The following PDE9A variants were observed in gnomAD, a reference collection of about 807,000 sequenced individuals.
PDE9A encodes high affinity cGMP-specific 3',5'-cyclic phosphodiesterase 9A.
Under a neutral mutation model 87.4 loss-of-function variants are expected in PDE9A, and 60 were observed. The ratio of observed to expected loss-of-function variants is 0.69; its 90% CI spans 0.56 to 0.85. The LOEUF is 0.85. PDE9A is among the 40% of genes least tolerant of loss of function. The pLI, the probability that PDE9A is intolerant of heterozygous loss-of-function variation, is 0.00. For missense variants in PDE9A, 665 were observed against 779.0 expected (o/e 0.85, Z 1.74); for synonymous variants, 272 against 279.4 (o/e 0.97, Z 0.27).
chr21:42,760,803 T>C lies in PDE9A; in HGVS notation c.1003-22T>C. 1 of 1,359,324 alleles carries C rather than the reference T, an allele frequency of 7.4e-7. No individual in the cohort carries two copies. Among genetic ancestry groups the C allele is most frequent in the South Asian group, 1.2e-5 (1 of 83,648 alleles). 84.2% of individuals were successfully genotyped at this position (1,359,324 alleles called of 1,614,324 possible). On this transcript the variant is annotated intron_variant, in intron 12 of 19. Transcript: ENST00000291539. The surrounding 1 kb of genome is among the most constrained non-coding windows in gnomAD (Gnocchi z 5.2). ...CCTCCGAGTGAAGAGAGCAAACACCTACGCCCTGTTTTCCAATCCAGGAGA... is the reference window on the plus strand; with the variant it reads ...CCTCCGAGTGAAGAGAGCAAACACCCACGCCCTGTTTTCCAATCCAGGAGA...
At chr21:42,767,895 C>T (rs1334073853) in intron 15 of PDE9A, among the ~76,000 whole-genome samples, 1 of 152,168 alleles carries the variant, frequency 6.6e-6, no homozygotes, top group African/African-American at 2.4e-5. Context: ...AATGCACCCA[C>T]CTAGGGAACA....
rs193230113 is a variant in PDE9A at position 42,747,102 on chromosome 21, G to A, written c.653+3242G>A. ...GCCGCGTCATGTGCCCCAGGCCGGC[G>A]TTGCCACACATGAAACCCCTTCCTG... On this transcript the variant is annotated intron_variant, in intron 8 of 19. Coordinates refer to ENST00000291539, the MANE Select transcript of PDE9A (RefSeq NM_002606.3). 1.8e-3 allele frequency among the ~76,000 whole-genome samples: 281 copies of A among 152,338 alleles called. 2 individuals are homozygous for A. Among genetic ancestry groups the A allele is most frequent in the African/African-American group, 5.5e-3 (230 of 41,568 alleles).
In PDE9A at chr21:42,702,139, C is replaced by T. The variant is rs2048433484; in HGVS notation, c.262+3128C>T. Among the ~76,000 whole-genome samples the T allele has an allele frequency of 6.6e-6, 1 of 152,138 alleles. No homozygotes were observed. Among genetic ancestry groups the T allele is most frequent in the Admixed American group, 6.6e-5 (1 of 15,256 alleles). On this transcript the variant is annotated intron_variant, in intron 4 of 19. Coordinates refer to ENST00000291539, the MANE Select transcript of PDE9A (RefSeq NM_002606.3). This position sits in a 1 kb window ranked among gnomAD's most constrained non-coding sequence, Gnocchi z 4.9. ...CTGAGAGCGTCCCCTGACTCACTCA[C>T]ACTGTTTCTTTCTTTCCAGACCTTT...
chr21:42,739,670 G>A lies in PDE9A; in HGVS notation c.569-4106G>A, dbSNP rs1182662787. The stretch of plus-strand genomic sequence containing the variant: ...GAAGCTGTGCTGTGTCACCCAGGAG[G>A]CTTAATTTTAACATCACCTCAATAG... On this transcript the variant is annotated intron_variant, in intron 7 of 19. Transcript: ENST00000291539. This position sits in a 1 kb window ranked among gnomAD's most constrained non-coding sequence, Gnocchi z 4.1. Among the ~76,000 whole-genome samples the A allele has an allele frequency of 9.2e-5, 14 of 151,660 alleles. No individual in the cohort carries two copies. Among genetic ancestry groups the A allele is most frequent in the Admixed American group, 9.2e-4 (14 of 15,218 alleles).
intron 7 of PDE9A, among the ~76,000 whole-genome samples, chr21:42,734,971 A>C (rs2052239158): frequency 6.6e-6 from 1 of 152,234 alleles, no homozygotes. Context: ...GCACTCCATG[A>C]GGATTCCTTG....
chr21:42,674,132 G>A (rs1437603549), intron 1 of PDE9A, among the ~76,000 whole-genome samples: 4 of 152,004 alleles, frequency 2.6e-5, no homozygotes, highest in African/African-American at 9.7e-5. Flanking sequence ...AGCAAGTCCC[G>A]GCCGGCCCCC....
intron 3 of PDE9A, among the ~76,000 whole-genome samples, chr21:42,691,070 A>C (rs1344220126): frequency 6.9e-6 from 1 of 145,742 alleles, no homozygotes; most frequent in Non-Finnish European, 1.5e-5. Flanking sequence ...CATCACCATC[A>C]CCATTCAAAG....
At chr21:42,700,787 T>A (rs1401320904) in intron 4 of PDE9A, 2 of 152,268 alleles carry the variant, frequency 1.3e-5, no homozygotes, top group Non-Finnish European at 2.9e-5. Flanking sequence ...GGGCCATGTA[T>A]GTGTGAGTCT....
At chr21:42,755,812 C>T (rs1030300037) in intron 10 of PDE9A, among the ~76,000 whole-genome samples, 1 of 152,226 alleles carries the variant, frequency 6.6e-6, no homozygotes, top group Non-Finnish European at 1.5e-5. Flanking sequence ...AAATCACCAT[C>T]CCCAAAGTCA....
intron 4 of PDE9A, among the ~76,000 whole-genome samples, chr21:42,710,375 CTCCAG>C (rs1386816253): frequency 3.4e-5 from 5 of 147,074 alleles, no homozygotes; most frequent in Admixed American, 2.7e-4. Flanking sequence ...CGCCACTGCA[CTCCAG>C]TCTGGGCGAC....
chr21:42,710,622 A>C (rs985171908), intron 4 of PDE9A, among the ~76,000 whole-genome samples: 28 of 152,178 alleles, frequency 1.8e-4, no homozygotes, highest in African/African-American at 6.5e-4. Flanking sequence ...CAAGTAACTT[A>C]ATGATGTTGA....
At chr21:42,680,475 G>T (rs531043944) in intron 1 of PDE9A, among the ~76,000 whole-genome samples, 1 of 152,204 alleles carries the variant, frequency 6.6e-6, no homozygotes, top group Non-Finnish European at 1.5e-5. Flanking sequence ...AGGGACTTTT[G>T]TCAGAAAGAC....
intron 4 of PDE9A, among the ~76,000 whole-genome samples, chr21:42,731,497 GA>G (rs1569213567): frequency 2.0e-5 from 3 of 152,106 alleles, no homozygotes; most frequent in Non-Finnish European, 4.4e-5. Flanking sequence ...GCCTGGTCAG[GA>G]AACAGGAAGA....
At chr21:42,706,659 G>A (rs1442503204) in intron 4 of PDE9A, among the ~76,000 whole-genome samples, 1 of 150,986 alleles carries the variant, frequency 6.6e-6, no homozygotes, top group Non-Finnish European at 1.5e-5. Flanking sequence ...AAAAAAAATT[G>A]TACAACCTCA....
chr21:42,754,073 G>C lies in PDE9A; in HGVS notation c.810+9G>C. On this transcript the variant is annotated intron_variant, in intron 10 of 19. Transcript: ENST00000291539. ...TTTGGGAGCCCAATGAGGTAAGTGC[G>C]GGGCTTGCAGGCACCACGTCCCAGG... is the stretch of plus-strand genomic sequence containing the variant. 1 of 1,599,556 alleles carries C rather than the reference G, an allele frequency of 6.3e-7. No individual in the cohort carries two copies. The highest frequency in any genetic ancestry group is 1.7e-5 in the Admixed American group (1 of 59,854).
chr21:42,770,206 CCAAGGCCCCCACCT>C (rs2056904468), intron 17 of PDE9A, among the ~76,000 whole-genome samples: 1 of 152,104 alleles, frequency 6.6e-6, no homozygotes. Context: ...TGGCCCCCTG[CCAAGGCCCCCACCT>C]CAAGGCACCC....
At chr21:42,726,949 G>A (rs774280960) in intron 4 of PDE9A, among the ~76,000 whole-genome samples, 1 of 151,112 alleles carries the variant, frequency 6.6e-6, no homozygotes. Flanking sequence ...CTTGATTACC[G>A]AAATTATGTC....
intron 1 of PDE9A, among the ~76,000 whole-genome samples, chr21:42,676,742 C>T (rs1370219527): frequency 6.6e-6 from 1 of 152,234 alleles, no homozygotes; most frequent in African/African-American, 2.4e-5. Flanking sequence ...GGGATTGTCA[C>T]TAGTATTTGC....
At chr21:42,673,555 A>G (rs1466638607) in intron 1 of PDE9A, among the ~76,000 whole-genome samples, 3 of 152,246 alleles carry the variant, frequency 2.0e-5, no homozygotes, top group Admixed American at 2.0e-4. Flanking sequence ...TGAAGCATAT[A>G]TAAACAGTTG....
Sources: allele counts gnomAD v4.1 joint callset (sites outside exome capture counted in the v4.1 genomes callset), GRCh38; gene constraint gnomAD v4.1.1; non-coding constraint Gnocchi (gnomAD v3.1); transcripts MANE v1.5; gene names NCBI Gene and HGNC (gene_info 2026-07-23, HGNC 2026-07-21).